Variants in C13orf46 observed in about 807,000 individuals in gnomAD.
The protein encoded by C13orf46 is uncharacterized protein C13orf46.
rs2052532682 is a variant in C13orf46 at position 113,956,273 on chromosome 13, G to A, written c.*500C>T. On this transcript the variant is annotated 3_prime_UTR_variant, in exon 7 of 7. Transcript: ENST00000636427. Reference sequence around the variant, plus strand: ...TCGACGAGAGGAGGAACATCCGGTGGAGAGGAGGAGCATCTGGTGGAGACG... The same window carrying A: ...TCGACGAGAGGAGGAACATCCGGTGAAGAGGAGGAGCATCTGGTGGAGACG... 1 of 156,012 alleles carries A rather than the reference G, an allele frequency of 6.4e-6. No homozygotes were observed. The highest frequency in any genetic ancestry group is 1.9e-4 in the South Asian group (1 of 5,400). 9.7% of individuals were successfully genotyped at this position (156,012 alleles called of 1,614,324 possible).
At chr13:113,947,945 C>T in the C13orf46 span, among the ~76,000 whole-genome samples, 3 of 152,240 alleles carry the variant, frequency 2.0e-5, no homozygotes, top group African/African-American at 7.2e-5. Context: ...GCCTGCCGAG[C>T]ACTGACTGCC....
chr13:113,945,613 A>AGAGAGAGAGAGAGAGAGAGAAAGAAAG, the C13orf46 span, among the ~76,000 whole-genome samples: 1 of 88,832 alleles, frequency 1.1e-5, no homozygotes, highest in African/African-American at 4.0e-5. Context: ...AAGAAGAAAG[A>AGAGAGAGAGAGAGAGAGAGAAAGAAAG]AAGAAAGAAA....
intron 6 of C13orf46, among the ~76,000 whole-genome samples, chr13:113,957,499 C>T (rs1186438199): frequency 5.4e-5 from 7 of 130,656 alleles, no homozygotes; most frequent in South Asian, 2.8e-4. Context: ...CTGCACTCCA[C>T]ATGCACCCCC....
At chr13:113,953,696 A>C (rs1269847713), downstream of C13orf46, 4 of 152,394 alleles carry the variant, frequency 2.6e-5, no homozygotes, top group African/African-American at 9.6e-5. Flanking sequence ...CAGGACGAAT[A>C]CACGGGTGGA....
chr13:113,936,548 G>A, the C13orf46 span, among the ~76,000 whole-genome samples: 1 of 152,206 alleles, frequency 6.6e-6, no homozygotes, highest in Non-Finnish European at 1.5e-5. Flanking sequence ...CTGGCCAGTG[G>A]CGAGAGCTGC....
At chr13:113,943,107 G>A in the C13orf46 span, among the ~76,000 whole-genome samples, 171 of 152,276 alleles carry the variant, frequency 1.1e-3, no homozygotes, top group African/African-American at 3.6e-3. Context: ...GGAGAGCTCC[G>A]GGCCGGGGTC....
the C13orf46 span, among the ~76,000 whole-genome samples, chr13:113,937,978 C>T: frequency 2.0e-5 from 3 of 152,116 alleles, no homozygotes; most frequent in East Asian, 1.9e-4. Context: ...GTGAGGCAGG[C>T]GTGTAGCTTT....
intron 6 of C13orf46, among the ~76,000 whole-genome samples, chr13:113,963,121 C>T (rs1479126969): frequency 6.6e-6 from 1 of 152,216 alleles, no homozygotes; most frequent in Non-Finnish European, 1.5e-5. Flanking sequence ...AAAGCTGGCC[C>T]TGGGCAAGGA....
intron 1 of C13orf46, among the ~76,000 whole-genome samples, chr13:113,971,741 A>G (rs1227347904): frequency 6.6e-6 from 1 of 152,198 alleles, no homozygotes; most frequent in Non-Finnish European, 1.5e-5. Context: ...TGGGCATGTC[A>G]TGGAGCCCAC....
At position 113,972,946 on chromosome 13, in the gene C13orf46, C is replaced by T. The variant is rs116734737; in HGVS notation, c.190+862G>A. Among the ~76,000 whole-genome samples the T allele has an allele frequency of 4.7e-3, 712 of 152,354 alleles. 5 individuals are homozygous for T. The highest frequency in any genetic ancestry group is 0.016 in the African/African-American group (669 of 41,580). ...CCGCCCCAGCAGCGCAAGGCCTTCC[C>T]AGCAGCCCTGGGTGGGTTACGGGTG... On this transcript the variant is annotated intron_variant, in intron 1 of 6. Transcript: ENST00000636427.
intron 1 of C13orf46, among the ~76,000 whole-genome samples, chr13:113,971,156 G>C (rs1238689800): frequency 6.6e-6 from 1 of 152,198 alleles, no homozygotes; most frequent in Non-Finnish European, 1.5e-5. Flanking sequence ...TGTTTGCGGA[G>C]ACCCTGGCTT....
At chr13:113,953,440 C>G (rs1370884514), downstream of C13orf46, among the ~76,000 whole-genome samples, 5 of 152,256 alleles carry the variant, frequency 3.3e-5, no homozygotes, top group African/African-American at 1.2e-4. Flanking sequence ...TGGCCCTGAT[C>G]AGCTCTTCCC....
downstream of C13orf46, among the ~76,000 whole-genome samples, chr13:113,948,815 A>G (rs906406915): frequency 6.6e-6 from 1 of 152,250 alleles, no homozygotes; most frequent in Non-Finnish European, 1.5e-5. Context: ...ATTGTGGTAT[A>G]ATAAAAAATA....
At chr13:113,934,071 T>C in the C13orf46 span, among the ~76,000 whole-genome samples, 1 of 152,132 alleles carries the variant, frequency 6.6e-6, no homozygotes, top group East Asian at 1.9e-4. Flanking sequence ...GGGGCCCTTC[T>C]CTAACCCACA....
chr13:113,932,305 C>T, the C13orf46 span, among the ~76,000 whole-genome samples: 10 of 152,204 alleles, frequency 6.6e-5, no homozygotes, highest in East Asian at 3.9e-4. Context: ...AAGAAATGGC[C>T]GAACCGTTCC....
chr13:113,947,246 C>T, the C13orf46 span, among the ~76,000 whole-genome samples: 4 of 152,078 alleles, frequency 2.6e-5, no homozygotes, highest in African/African-American at 9.7e-5. Flanking sequence ...CCAGGACAAG[C>T]GTCGGGGCAG....
rs1283400620 is a variant in C13orf46, at chr13:113,954,150, G to A, written c.*2623C>T. 1 of 152,236 alleles carries A rather than the reference G, an allele frequency of 6.6e-6. No individual in the cohort carries two copies. Among genetic ancestry groups the A allele is most frequent in the African/African-American group, 2.4e-5 (1 of 41,446 alleles). 9.4% of individuals were successfully genotyped at this position (152,236 alleles called of 1,614,324 possible). On this transcript the variant is annotated 3_prime_UTR_variant, in exon 7 of 7. Coordinates refer to ENST00000636427, the MANE Select transcript of C13orf46 (RefSeq NM_001365455.2). ...GATGGGCAGAGCTCACCCTCTGGGA[G>A]CCTCTGCATTATCATGTGCACCACA...
intron 6 of C13orf46, among the ~76,000 whole-genome samples, chr13:113,957,927 A>C (rs2052554069): frequency 9.2e-6 from 1 of 108,650 alleles, no homozygotes. Context: ...TCTCCCCTGC[A>C]CTCTGTATGC....
At chr13:113,951,900 C>A (rs1439845500), downstream of C13orf46, among the ~76,000 whole-genome samples, 6 of 152,224 alleles carry the variant, frequency 3.9e-5, no homozygotes, top group African/African-American at 1.4e-4. Context: ...TGGCAGGGGC[C>A]ACAGTGCAAC....
Sources: gnomAD v4.1 joint callset for allele counts (sites outside exome capture counted in the v4.1 genomes callset) on GRCh38, gnomAD v4.1.1 for gene constraint, MANE v1.5 for transcripts, NCBI Gene and HGNC (gene_info 2026-07-23, HGNC 2026-07-21) for gene names.